Variants in THRB observed in about 807,000 individuals in gnomAD.
The protein encoded by THRB is nuclear receptor subfamily 1 group A member 2.
Under a neutral mutation model 47.8 loss-of-function variants are expected in THRB, and 12 were observed. The ratio of observed to expected loss-of-function variants is 0.25; its 90% confidence interval spans 0.16 to 0.41. The LOEUF is 0.41. Among genes scored for constraint, THRB ranks in the 10% least tolerant of loss-of-function variants. The pLI is 1.00. For synonymous variants in THRB, 218 were observed against 212.2 expected, an observed-to-expected ratio of 1.03 and a Z score of -0.24; for missense variants, 348 against 589.2, an observed-to-expected ratio of 0.59 and a Z score of 4.24.
chr3:24,430,451 T>C (rs553706787), intron 1 of THRB, among the ~76,000 whole-genome samples: 1 of 152,072 alleles, frequency 6.6e-6, no homozygotes, highest in East Asian at 1.9e-4. Flanking sequence ...CCCTACCTCA[T>C]GCCATATAAC....
chr3:24,328,923 T>C (rs927240152), intron 2 of THRB, among the ~76,000 whole-genome samples: 5 of 152,178 alleles, frequency 3.3e-5, no homozygotes, highest in Non-Finnish European at 7.4e-5. Flanking sequence ...TCAACTTTCC[T>C]GTCCTGCCAG....
intron 3 of THRB, among the ~76,000 whole-genome samples, chr3:24,280,349 T>C (rs1294963903): frequency 5.3e-5 from 8 of 151,956 alleles, no homozygotes; most frequent in Non-Finnish European, 8.8e-5. Context: ...CATGGCCAGG[T>C]ACTCCAACAG....
intron 5 of THRB, among the ~76,000 whole-genome samples, chr3:24,158,649 C>G (rs898668694): frequency 6.6e-6 from 1 of 152,056 alleles, no homozygotes; most frequent in African/African-American, 2.4e-5. Flanking sequence ...AGGCTGGTCT[C>G]GAAATCCTGA....
At chr3:24,491,963 A>T (rs1206768264) in intron 1 of THRB, among the ~76,000 whole-genome samples, 1 of 152,260 alleles carries the variant, frequency 6.6e-6, no homozygotes, top group Non-Finnish European at 1.5e-5. Flanking sequence ...GTCACTACAC[A>T]GAATGGAAGA....
At chr3:24,369,845 G>A (rs1391660817) in intron 1 of THRB, among the ~76,000 whole-genome samples, 1 of 152,122 alleles carries the variant, frequency 6.6e-6, no homozygotes, top group East Asian at 1.9e-4. Context: ...ATACCTAGTA[G>A]CCCAAGGGTT....
chr3:24,419,725 A>G (rs2069069532), intron 1 of THRB, among the ~76,000 whole-genome samples: 1 of 151,962 alleles, frequency 6.6e-6, no homozygotes, highest in South Asian at 2.1e-4. Context: ...ATATTTATAT[A>G]TCACATCTTC....
At chr3:24,310,542 T>C (rs1028931853) in intron 2 of THRB, among the ~76,000 whole-genome samples, 1 of 152,204 alleles carries the variant, frequency 6.6e-6, no homozygotes, top group African/African-American at 2.4e-5. Flanking sequence ...CTAGAGCTTC[T>C]TTCTCAGTAG....
At position 24,297,087 on chromosome 3, in the gene THRB, C is replaced by G. The variant is rs187703873; in HGVS notation, c.-43+139G>C. The G allele has an allele frequency of 7.9e-5, 12 of 152,226 alleles. No homozygotes were observed. The East Asian group carries it at 2.3e-3, about 29-fold the overall frequency. 9.4% of individuals were successfully genotyped at this position (152,226 alleles called of 1,614,324 possible). A position where few individuals can be genotyped will look rare whatever the true frequency, so the allele number is the denominator to read the frequency against. The stretch of plus-strand genomic sequence containing the variant: ...GACATCTTTTGAAGGCACTGAATGC[C>G]AGGTAGTATCCATGGGTTAGAAAGG... On this transcript the variant is annotated intron_variant, in intron 3 of 10. Transcript: ENST00000646209.
intron 2 of THRB, among the ~76,000 whole-genome samples, chr3:24,334,169 A>G (rs2062094656): frequency 6.6e-6 from 1 of 152,208 alleles, no homozygotes; most frequent in Non-Finnish European, 1.5e-5. Flanking sequence ...TAGACGGTCA[A>G]AATGCCCTAC....
intron 5 of THRB, 187 bp downstream of exon 5, chr3:24,189,887 G>A (rs2043108973): frequency 3.2e-6 from 2 of 619,610 alleles, no homozygotes; most frequent in South Asian, 4.0e-5. Context: ...GCCTTTCTTT[G>A]GATTCCACTT....
chr3:24,484,740 G>C (rs1470050613), intron 1 of THRB, among the ~76,000 whole-genome samples: 1 of 152,134 alleles, frequency 6.6e-6, no homozygotes, highest in Non-Finnish European at 1.5e-5. Flanking sequence ...GCAGACTTGA[G>C]AGTTTCAACA....
chr3:24,461,565 T>C (rs757490157), intron 1 of THRB, among the ~76,000 whole-genome samples: 3 of 152,244 alleles, frequency 2.0e-5, no homozygotes, highest in Non-Finnish European at 4.4e-5. Flanking sequence ...CTAATTAACT[T>C]AATGATTAAT....
At chr3:24,493,564 C>T (rs1698511866) in intron 1 of THRB, among the ~76,000 whole-genome samples, 1 of 152,174 alleles carries the variant, frequency 6.6e-6, no homozygotes, top group South Asian at 2.1e-4. Context: ...GAAGGTATTT[C>T]AAATATATTT....
At chr3:24,255,976 G>A (rs549844784) in intron 3 of THRB, among the ~76,000 whole-genome samples, 1 of 152,290 alleles carries the variant, frequency 6.6e-6, no homozygotes, top group East Asian at 1.9e-4. Flanking sequence ...GGATGCTATT[G>A]CTTTAGAACT....
chr3:24,279,974 G>A (rs1388856948), intron 3 of THRB, among the ~76,000 whole-genome samples: 3 of 152,156 alleles, frequency 2.0e-5, no homozygotes, highest in African/African-American at 7.2e-5. Flanking sequence ...ATTATTCTGT[G>A]AAGGGGTCCA....
intron 1 of THRB, among the ~76,000 whole-genome samples, chr3:24,436,664 T>C (rs553986903): frequency 4.3e-4 from 65 of 152,278 alleles, no homozygotes; most frequent in African/African-American, 1.3e-3. Context: ...CCCTTGAACA[T>C]AGATTCTGAG....
At chr3:24,172,555 G>T (rs1050089384) in intron 5 of THRB, among the ~76,000 whole-genome samples, 2 of 152,078 alleles carry the variant, frequency 1.3e-5, no homozygotes, top group African/African-American at 4.8e-5. Flanking sequence ...GCACTAAGGG[G>T]AGACTTTTGT....
chr3:24,402,700 T>A (rs758406936), intron 1 of THRB, among the ~76,000 whole-genome samples: 1 of 152,020 alleles, frequency 6.6e-6, no homozygotes, highest in Non-Finnish European at 1.5e-5. Context: ...TTACCTATCA[T>A]TAAACATCTA....
intron 1 of THRB, among the ~76,000 whole-genome samples, chr3:24,373,152 AAGTT>A (rs2065037897): frequency 6.6e-6 from 1 of 152,102 alleles, no homozygotes; most frequent in South Asian, 2.1e-4. Context: ...CTTAAAAAAA[AAGTT>A]AGAAAACCCC....
Sources: allele counts gnomAD v4.1 joint callset (sites outside exome capture counted in the v4.1 genomes callset), GRCh38; gene constraint gnomAD v4.1.1; transcripts MANE v1.5; gene names NCBI Gene and HGNC (gene_info 2026-07-23, HGNC 2026-07-21).